TGFA: variants seen among roughly 807,000 people sequenced by gnomAD.
The protein encoded by TGFA is transforming growth factor alpha, also known as protransforming growth factor alpha.
Under a neutral mutation model 21.7 loss-of-function variants are expected in TGFA, and 12 were observed. The ratio of observed to expected loss-of-function variants is 0.55; its 90% CI spans 0.35 to 0.90. The LOEUF is 0.90. Among genes scored for constraint, TGFA ranks in the 40% least tolerant of loss-of-function variants. The pLI is 0.01. For missense variants in TGFA, 178 were observed against 210.8 expected (o/e 0.84, Z 0.96); for synonymous variants, 79 against 88.1 (o/e 0.90, Z 0.58).
At chr2:70,456,938 T>A (rs374642801) in intron 3 of TGFA, among the ~76,000 whole-genome samples, 24 of 152,346 alleles carry the variant, frequency 1.6e-4, no homozygotes, top group African/African-American at 5.5e-4. Context: ...TGCCTTTTTA[T>A]CTTCTTCAAG....
In TGFA at chr2:70,450,681, C is replaced by G. The variant is rs1190145960; in HGVS notation, c.*178G>C. 1 of 655,290 alleles carries G rather than the reference C, an allele frequency of 1.5e-6. No homozygotes were observed. The highest frequency in any genetic ancestry group is 1.8e-5 in the African/African-American group (1 of 55,152). 40.6% of individuals were successfully genotyped at this position (655,290 alleles called of 1,614,324 possible). A position where few individuals can be genotyped will look rare whatever the true frequency, so the allele number is the denominator to read the frequency against. ...CTTCTCTAGGTCACACTGAATAACCCCAAGCAGACGGAGTTCTTGACAGAG... is the reference window on the plus strand; with the variant it reads ...CTTCTCTAGGTCACACTGAATAACCGCAAGCAGACGGAGTTCTTGACAGAG... On this transcript the variant is annotated 3_prime_UTR_variant, in exon 6 of 6. Coordinates refer to ENST00000295400, the MANE Select transcript of TGFA (RefSeq NM_003236.4).
intron 2 of TGFA, among the ~76,000 whole-genome samples, chr2:70,512,475 T>A (rs1293654337): frequency 6.6e-6 from 1 of 152,200 alleles, no homozygotes; most frequent in Non-Finnish European, 1.5e-5. Context: ...CGAGTGGCAC[T>A]GAGCTGGTTA....
chr2:70,481,996 T>G (rs1671137310), intron 2 of TGFA, among the ~76,000 whole-genome samples: 1 of 152,210 alleles, frequency 6.6e-6, no homozygotes, highest in Non-Finnish European at 1.5e-5. Context: ...GTTTATTGCT[T>G]TAAGCTACTA....
At chr2:70,531,564 C>T (rs1054231642) in intron 1 of TGFA, among the ~76,000 whole-genome samples, 12 of 152,196 alleles carry the variant, frequency 7.9e-5, no homozygotes, top group African/African-American at 2.2e-4. Flanking sequence ...AAATACACTG[C>T]GCTTGTATCA....
At chr2:70,474,362 C>A (rs1381457884) in intron 2 of TGFA, among the ~76,000 whole-genome samples, 1 of 152,230 alleles carries the variant, frequency 6.6e-6, no homozygotes, top group Non-Finnish European at 1.5e-5. Flanking sequence ...GGATGCTATT[C>A]AAGTCCAGAA....
chr2:70,504,475 T>TACAC (rs1157231918), intron 2 of TGFA, among the ~76,000 whole-genome samples: 93 of 83,828 alleles, frequency 1.1e-3, no homozygotes, highest in African/African-American at 4.6e-3. Context: ...CACACATACA[T>TACAC]ACATACATAC....
At chr2:70,526,780 G>T (rs1367597197) in intron 1 of TGFA, among the ~76,000 whole-genome samples, 2 of 152,166 alleles carry the variant, frequency 1.3e-5, no homozygotes, top group African/African-American at 4.8e-5. Flanking sequence ...GAGGGAGAGG[G>T]AAAAGAGGAA....
rs539685558 is a variant in TGFA, at chr2:70,451,983, C to T, written c.476-1117G>A. Reference sequence around the variant, plus strand: ...GCCGCTCCCGCACTCTCTGTGTGCTCCCTTACTGTGCACGATGACTATGGT... The same window carrying T: ...GCCGCTCCCGCACTCTCTGTGTGCTTCCTTACTGTGCACGATGACTATGGT... On this transcript the variant is annotated intron_variant, in intron 5 of 5. Coordinates refer to ENST00000295400, the MANE Select transcript of TGFA (RefSeq NM_003236.4). Among the ~76,000 whole-genome samples the T allele has an allele frequency of 3.3e-5, 5 of 152,294 alleles. No homozygotes were observed. In the East Asian group the frequency reaches 9.6e-4, roughly 29 times the overall value.
At chr2:70,491,068 G>C (rs1553497524) in intron 2 of TGFA, among the ~76,000 whole-genome samples, 1 of 152,190 alleles carries the variant, frequency 6.6e-6, no homozygotes, top group Non-Finnish European at 1.5e-5. Flanking sequence ...CCCAGAGGCA[G>C]CACAGAGTTC....
chr2:70,538,877 A>T (rs782790958), intron 1 of TGFA, among the ~76,000 whole-genome samples: 6 of 152,206 alleles, frequency 3.9e-5, no homozygotes, highest in Non-Finnish European at 8.8e-5. Context: ...AATGCTATCA[A>T]ACAGAATCAC....
intron 1 of TGFA, among the ~76,000 whole-genome samples, chr2:70,545,130 T>C (rs1673254292): frequency 6.6e-6 from 1 of 152,118 alleles, no homozygotes; most frequent in Non-Finnish European, 1.5e-5. Flanking sequence ...TCAGGTACCC[T>C]ATAAATATAT....
Position 70,487,232 on chromosome 2 carries a change from G to A in TGFA, c.95-21496C>T, listed in dbSNP as rs1017662672. 8.5e-5 allele frequency among the ~76,000 whole-genome samples: 13 copies of A among 152,154 alleles called. No homozygotes were observed. In the South Asian group the frequency reaches 1.7e-3, roughly 19 times the overall value. ...AATATAAATATTGTCTTTATTTTGT[G>A]TTCTGTGTGCCCAACAGGGAATAAA... On this transcript the variant is annotated intron_variant, in intron 2 of 5. Transcript: ENST00000295400.
chr2:70,542,686 T>C (rs1673168062), intron 1 of TGFA, among the ~76,000 whole-genome samples: 1 of 152,216 alleles, frequency 6.6e-6, no homozygotes, highest in Non-Finnish European at 1.5e-5. Flanking sequence ...CTCAGCAGCC[T>C]CAGCTACAAA....
chr2:70,450,794 CCTGAAGAAGCCTTTCTTTAT>C lies in TGFA; in HGVS notation c.*45_*64del. The C allele has an allele frequency of 6.3e-7, 1 of 1,580,294 alleles. No individual in the cohort carries two copies. Among genetic ancestry groups the C allele is most frequent in the East Asian group, 2.3e-5 (1 of 44,392 alleles). On this transcript the variant is annotated 3_prime_UTR_variant, in exon 6 of 6. Coordinates refer to ENST00000295400, the MANE Select transcript of TGFA (RefSeq NM_003236.4). ...ACCCAGGCATCTCTGGCAGTGCTGT[CCTGAAGAAGCCTTTCTTTAT>C]TGATCTGCCACAGTCCACCTGGCCA... is the stretch of plus-strand genomic sequence containing the variant.
chr2:70,522,351 C>T (rs374162190), intron 1 of TGFA, among the ~76,000 whole-genome samples: 2 of 152,200 alleles, frequency 1.3e-5, no homozygotes, highest in Non-Finnish European at 2.9e-5. Context: ...TAGATCCCTG[C>T]CGCTACAGCT....
intron 2 of TGFA, among the ~76,000 whole-genome samples, chr2:70,497,414 G>T (rs1396344087): frequency 2.6e-5 from 4 of 152,176 alleles, no homozygotes; most frequent in African/African-American, 9.7e-5. Flanking sequence ...AAGCATTTCT[G>T]TTCAATTCAG....
chr2:70,518,231 G>A (rs1553501852), intron 1 of TGFA, among the ~76,000 whole-genome samples: 1 of 152,218 alleles, frequency 6.6e-6, no homozygotes, highest in African/African-American at 2.4e-5. Flanking sequence ...ACTCCTGCTG[G>A]CATCCTATTT....
chr2:70,527,069 C>T (rs1672659676), intron 1 of TGFA, among the ~76,000 whole-genome samples: 1 of 152,222 alleles, frequency 6.6e-6, no homozygotes, highest in African/African-American at 2.4e-5. Context: ...CAAACACACC[C>T]TTATACAATC....
chr2:70,547,738 T>C (rs1173868976), intron 1 of TGFA, among the ~76,000 whole-genome samples: 3 of 142,224 alleles, frequency 2.1e-5, no homozygotes, highest in Non-Finnish European at 4.6e-5. Flanking sequence ...TATACTACTA[T>C]ATTATATATA....
Sources: allele counts gnomAD v4.1 joint callset (sites outside exome capture counted in the v4.1 genomes callset), GRCh38; gene constraint gnomAD v4.1.1; transcripts MANE v1.5; gene names NCBI Gene and HGNC (gene_info 2026-07-23, HGNC 2026-07-21).